DAB1: variants seen among roughly 807,000 people sequenced by gnomAD.
DAB1 encodes DAB adaptor protein 1.
Under a neutral mutation model 64.6 loss-of-function variants are expected in DAB1, and 15 were observed. That is an observed-to-expected ratio of 0.23 (90% confidence interval 0.16 to 0.36). The LOEUF (loss-of-function observed/expected upper bound fraction) is 0.36, where lower values mean the gene tolerates loss of function less well. DAB1 is among the 10% of genes least tolerant of loss of function. DAB1 has a pLI of 1.00. For synonymous variants in DAB1, 235 were observed against 251.9 expected (o/e 0.93, Z 0.64); for missense variants, 596 against 706.7 (o/e 0.84, Z 1.78).
intron 3 of DAB1, among the ~76,000 whole-genome samples, chr1:58,482,289 T>C (rs11207239): frequency 0.15 from 22,957 of 152,138 alleles, 1,818 homozygotes; most frequent in Middle Eastern, 0.23. Flanking sequence ...AACATAAGCA[T>C]GTTATTTAGA....
At chr1:57,301,508 A>G (rs937445075) in intron 1 of DAB1, among the ~76,000 whole-genome samples, 4 of 152,194 alleles carry the variant, frequency 2.6e-5, no homozygotes, top group Non-Finnish European at 5.9e-5. Context: ...AGTAACACGA[A>G]CTATTGCTAT....
At chr1:58,483,664 A>G (rs186073019) in intron 3 of DAB1, among the ~76,000 whole-genome samples, 1 of 152,314 alleles carries the variant, frequency 6.6e-6, no homozygotes, top group Admixed American at 6.5e-5. Context: ...CACTTACAGC[A>G]CTTAAGTAAA....
chr1:57,437,638 G>A (rs1685744373), intron 7 of DAB1, among the ~76,000 whole-genome samples: 1 of 152,026 alleles, frequency 6.6e-6, no homozygotes, highest in Admixed American at 6.5e-5. Context: ...CTTTACATGG[G>A]CAGAACTCAA....
At chr1:57,190,965 A>G (rs923725525) in intron 2 of DAB1, among the ~76,000 whole-genome samples, 1 of 152,252 alleles carries the variant, frequency 6.6e-6, no homozygotes, top group African/African-American at 2.4e-5. Context: ...TGCCAGAGGT[A>G]AAGTCCCATA....
intron 2 of DAB1, among the ~76,000 whole-genome samples, chr1:57,273,573 T>G (rs1339088150): frequency 1.4e-3 from 81 of 56,074 alleles, no homozygotes; most frequent in Middle Eastern, 0.012. Context: ...CTTCCTTCCT[T>G]CCTTCCTTCC....
At chr1:57,857,397 G>A (rs972245844) in intron 1 of DAB1, among the ~76,000 whole-genome samples, 1 of 152,308 alleles carries the variant, frequency 6.6e-6, no homozygotes, top group South Asian at 2.1e-4. Flanking sequence ...AAGAGTAATA[G>A]AGTAAGCAGA....
chr1:58,004,356 G>A (rs966869916), intron 5 of DAB1, among the ~76,000 whole-genome samples: 14 of 152,214 alleles, frequency 9.2e-5, no homozygotes, highest in African/African-American at 3.4e-4. Context: ...TTTCAAGGCA[G>A]GCCAGGGGTG....
intron 3 of DAB1, among the ~76,000 whole-genome samples, chr1:58,356,681 G>A (rs1644114491): frequency 2.0e-5 from 3 of 152,086 alleles, no homozygotes; most frequent in South Asian, 4.1e-4. Flanking sequence ...CTGAAAGTTT[G>A]GATCAGAGAG....
chr1:57,340,144 C>T (rs891290115), intron 1 of DAB1, among the ~76,000 whole-genome samples: 25 of 152,148 alleles, frequency 1.6e-4, no homozygotes, highest in Non-Finnish European at 3.4e-4. Flanking sequence ...CAGGCTTACC[C>T]TCATCTGATT....
At chr1:58,422,304 G>C (rs1424618195) in intron 3 of DAB1, among the ~76,000 whole-genome samples, 1 of 151,876 alleles carries the variant, frequency 6.6e-6, no homozygotes, top group African/African-American at 2.4e-5. Context: ...ATGTTATCTA[G>C]TATTAGTATT....
intron 2 of DAB1, among the ~76,000 whole-genome samples, chr1:57,172,528 C>T (rs552820986): frequency 1.3e-5 from 2 of 152,256 alleles, no homozygotes; most frequent in East Asian, 3.9e-4. Flanking sequence ...GTTTATTTGG[C>T]TCATGGTTCT....
chr1:58,000,108 T>G (rs528339188), intron 5 of DAB1, among the ~76,000 whole-genome samples: 1 of 152,022 alleles, frequency 6.6e-6, no homozygotes, highest in African/African-American at 2.4e-5. Context: ...AGTGGGAAGG[T>G]CTGTCCTGCC....
intron 1 of DAB1, among the ~76,000 whole-genome samples, chr1:57,846,649 A>T (rs1314312774): frequency 6.6e-6 from 1 of 152,088 alleles, no homozygotes. Flanking sequence ...CATTGTACCA[A>T]TGAGAAAACT....
At chr1:57,983,746 T>C (rs1437153411) in intron 5 of DAB1, among the ~76,000 whole-genome samples, 3 of 152,174 alleles carry the variant, frequency 2.0e-5, no homozygotes, top group Non-Finnish European at 4.4e-5. Context: ...ATATTTTCTT[T>C]CTAAAATCTC....
intron 5 of DAB1, among the ~76,000 whole-genome samples, chr1:57,996,126 G>A (rs1646421347): frequency 6.6e-6 from 1 of 152,112 alleles, no homozygotes; most frequent in African/African-American, 2.4e-5. Flanking sequence ...AGGCATGGTG[G>A]CGGGTGCCTG....
intron 2 of DAB1, among the ~76,000 whole-genome samples, chr1:57,182,131 C>T (rs1245622727): frequency 6.6e-6 from 1 of 152,140 alleles, no homozygotes; most frequent in African/African-American, 2.4e-5. Flanking sequence ...GTGATCTGCC[C>T]GCCTTGGCCT....
chr1:58,266,378 C>T lies in DAB1; in HGVS notation n.309+76974G>A, dbSNP rs11801850. Among the ~76,000 whole-genome samples the T allele has an allele frequency of 6.6e-3, 1,010 of 152,284 alleles. 12 individuals carry two copies. The highest frequency in any genetic ancestry group is 0.023 in the African/African-American group (949 of 41,552). ...GGAGGGAACAAGCTTCTCTCCTTCA[C>T]GCTTCTCTCTGCTGCCAGGAAACAG... On this transcript the variant is annotated intron_variant and non_coding_transcript_variant, in intron 4 of 20. Transcript: ENST00000485760.
intron 7 of DAB1, among the ~76,000 whole-genome samples, chr1:57,563,367 G>A (rs1045016960): frequency 1.3e-4 from 20 of 152,318 alleles, no homozygotes; most frequent in Admixed American, 2.6e-4. Flanking sequence ...CATGAGCGAC[G>A]CAGAAGACGG....
At chr1:57,354,742 T>C (rs1222826997) in intron 1 of DAB1, among the ~76,000 whole-genome samples, 3 of 152,128 alleles carry the variant, frequency 2.0e-5, no homozygotes, top group African/African-American at 4.8e-5. Flanking sequence ...CATCATGCTT[T>C]GTCTGCTAAT....
Sources: allele counts gnomAD v4.1 joint callset (sites outside exome capture counted in the v4.1 genomes callset), GRCh38; gene constraint gnomAD v4.1.1; transcripts MANE v1.5; gene names NCBI Gene and HGNC (gene_info 2026-07-23, HGNC 2026-07-21).